Variants in PRKG1 observed in about 807,000 individuals in gnomAD.
PRKG1 encodes protein kinase cGMP-dependent 1.
In PRKG1, 35 loss-of-function variants were observed where a neutral mutation model predicts 88.1. The observed-to-expected ratio is 0.40, with a 90% CI of 0.30 to 0.53. PRKG1 has a LOEUF of 0.53. Among genes scored for constraint, PRKG1 ranks in the 20% least tolerant of loss-of-function variants. PRKG1 has a pLI of 0.59. For missense variants in PRKG1, 540 were observed against 839.8 expected, an observed-to-expected ratio of 0.64 and a Z score of 4.41; for synonymous variants, 303 against 292.5, an observed-to-expected ratio of 1.04 and a Z score of -0.37.
intron 7 of PRKG1, among the ~76,000 whole-genome samples, chr10:52,075,601 A>G (rs985494407): frequency 1.3e-5 from 2 of 152,222 alleles, no homozygotes; most frequent in African/African-American, 4.8e-5. Flanking sequence ...CCACACATAT[A>G]TTGCCATTTT....
intron 3 of PRKG1, among the ~76,000 whole-genome samples, chr10:51,773,500 T>G (rs1242529500): frequency 2.6e-5 from 4 of 152,032 alleles, no homozygotes; most frequent in Non-Finnish European, 5.9e-5. Context: ...AAATTTTCTG[T>G]GTACCAGGCT....
chr10:51,975,565 C>A (rs1187313568), intron 5 of PRKG1, among the ~76,000 whole-genome samples: 1 of 151,954 alleles, frequency 6.6e-6, no homozygotes, highest in African/African-American at 2.4e-5. Flanking sequence ...GCACTTCTGC[C>A]ATACATAGCT....
chr10:52,131,815 T>C (rs1274887641), intron 7 of PRKG1, among the ~76,000 whole-genome samples: 1 of 5,050 alleles, frequency 2.0e-4, no homozygotes, highest in Non-Finnish European at 7.7e-4. Flanking sequence ...CGAAACTCCA[T>C]CAAAAAAAAA....
At chr10:52,167,698 A>C (rs141550583) in intron 9 of PRKG1, among the ~76,000 whole-genome samples, 297 of 151,982 alleles carry the variant, frequency 2.0e-3, no homozygotes, top group Non-Finnish European at 3.8e-3. Context: ...TTTTCAAACT[A>C]CTTTGTGTCG....
intron 1 of PRKG1, among the ~76,000 whole-genome samples, chr10:51,077,356 A>G (rs1843983876): frequency 6.6e-6 from 1 of 152,198 alleles, no homozygotes; most frequent in Non-Finnish European, 1.5e-5. Context: ...TTAAAATGAA[A>G]CTATCTAAAT....
At chr10:52,026,892 G>A (rs1251394539) in intron 5 of PRKG1, among the ~76,000 whole-genome samples, 2 of 152,080 alleles carry the variant, frequency 1.3e-5, no homozygotes, top group South Asian at 2.1e-4. Flanking sequence ...GGAGAATGGC[G>A]TGAACCCGGG....
chr10:51,979,410 G>GTTTTTTTTTTTTTTTTTTTT lies in PRKG1; in HGVS notation c.762+71845_762+71864dup, dbSNP rs61150252. 2.0e-3 allele frequency among the ~76,000 whole-genome samples: 94 copies of GTTTTTTTTTTTTTTTTTTTT among 47,062 alleles called. 17 individuals are homozygous for GTTTTTTTTTTTTTTTTTTTT. Among genetic ancestry groups the GTTTTTTTTTTTTTTTTTTTT allele is most frequent in the South Asian group, 2.9e-3 (2 of 684 alleles). The allele number at this position is 47,062 out of a possible 152,430, so 30.9% of individuals were successfully genotyped here. ...CAATATTCATCATGGATATTGGTCT[G>GTTTTTTTTTTTTTTTTTTTT]TTTTTTTTTTTTTTTTTTTTTTTTC... On this transcript the variant is annotated intron_variant, in intron 5 of 17. Coordinates refer to ENST00000373980, the MANE Select transcript of PRKG1 (RefSeq NM_006258.4).
intron 2 of PRKG1, among the ~76,000 whole-genome samples, chr10:51,303,052 C>A (rs1329779050): frequency 6.6e-6 from 1 of 152,104 alleles, no homozygotes; most frequent in Non-Finnish European, 1.5e-5. Context: ...GATGCTGTTT[C>A]AACCGGGTTA....
At chr10:51,081,224 A>C (rs1844102470) in intron 1 of PRKG1, among the ~76,000 whole-genome samples, 1 of 152,160 alleles carries the variant, frequency 6.6e-6, no homozygotes, top group Non-Finnish European at 1.5e-5. Flanking sequence ...AAAGCTGGAG[A>C]GTAGAGTGAG....
At chr10:51,231,088 G>C (rs1838832202) in intron 2 of PRKG1, among the ~76,000 whole-genome samples, 2 of 152,106 alleles carry the variant, frequency 1.3e-5, no homozygotes, top group Non-Finnish European at 1.5e-5. Context: ...AGTGAAAAGG[G>C]AGGGAGAAGC....
chr10:52,020,005 T>C (rs1744365511), intron 5 of PRKG1, among the ~76,000 whole-genome samples: 1 of 152,070 alleles, frequency 6.6e-6, no homozygotes, highest in Non-Finnish European at 1.5e-5. Flanking sequence ...ATAATCTTAA[T>C]ATATTGTATT....
In PRKG1 at chr10:52,282,305, C is replaced by A. The variant is rs1299460586; in HGVS notation, c.1698C>A (p.Leu566=). The A allele has an allele frequency of 6.3e-7, 1 of 1,598,034 alleles. No individual in the cohort carries two copies. The highest frequency in any genetic ancestry group is 1.3e-5 in the African/African-American group (1 of 74,222). The change falls in exon 14 of 18, where the codon CTC becomes CTA. Residue 566 remains leucine (L), a synonymous_variant. Coordinates refer to ENST00000373980, the MANE Select transcript of PRKG1 (RefSeq NM_006258.4). ...CACTGGGAATCCTAATGTATGAACT[C>A]CTGACTGGCAGGTATGGATATTGAT... ...YWSLGILMYE[L]LTGSPPFSGP...
At chr10:51,178,025 CATT>C (rs1016368266) in intron 2 of PRKG1, among the ~76,000 whole-genome samples, 13 of 152,140 alleles carry the variant, frequency 8.5e-5, no homozygotes, top group African/African-American at 2.9e-4. Flanking sequence ...CTTGTATCAT[CATT>C]GAGATATAGT....
chr10:52,296,518 T>C lies in PRKG1; in HGVS notation c.*2618T>C, dbSNP rs761409998. On this transcript the variant is annotated 3_prime_UTR_variant, in exon 18 of 18. Transcript: ENST00000373980. ...CTTAATGAAGACTCTAGGGCTAAAA[T>C]TCATGGTCAGTTCCATAAAATGCAT... The C allele has an allele frequency of 6.6e-5, 10 of 152,128 alleles. No homozygotes were observed. The highest frequency in any genetic ancestry group is 1.5e-4 in the Non-Finnish European group (10 of 67,958). The allele number at this position is 152,128 out of a possible 1,614,324, so 9.4% of individuals were successfully genotyped here.
At chr10:51,438,185 G>C (rs1299585997) in intron 2 of PRKG1, among the ~76,000 whole-genome samples, 1 of 139,518 alleles carries the variant, frequency 7.2e-6, no homozygotes, top group African/African-American at 2.9e-5. Context: ...CTTTTGGAAT[G>C]GTTTTAGACT....
intron 1 of PRKG1, among the ~76,000 whole-genome samples, chr10:51,057,973 C>G (rs1372731116): frequency 6.6e-6 from 1 of 152,078 alleles, no homozygotes; most frequent in Non-Finnish European, 1.5e-5. Flanking sequence ...AATTTATACT[C>G]CCACTAATAG....
chr10:51,307,673 GT>G (rs2132482936), intron 2 of PRKG1, among the ~76,000 whole-genome samples: 1 of 152,204 alleles, frequency 6.6e-6, no homozygotes, highest in East Asian at 1.9e-4. Flanking sequence ...AATATTCTAT[GT>G]ACTTTATGAC....
At chr10:51,065,722 C>T (rs551881681) in intron 1 of PRKG1, among the ~76,000 whole-genome samples, 8 of 152,074 alleles carry the variant, frequency 5.3e-5, no homozygotes, top group South Asian at 2.1e-4. Flanking sequence ...ATTTATTCAA[C>T]GCAATTAGCC....
intron 5 of PRKG1, among the ~76,000 whole-genome samples, chr10:51,919,834 G>A (rs1305344783): frequency 6.6e-6 from 1 of 152,122 alleles, no homozygotes; most frequent in Non-Finnish European, 1.5e-5. Context: ...CCTAAGCACA[G>A]GGTATGTCTT....
Sources: allele counts gnomAD v4.1 joint callset (sites outside exome capture counted in the v4.1 genomes callset), GRCh38; gene constraint gnomAD v4.1.1; transcripts MANE v1.5; gene names NCBI Gene and HGNC (gene_info 2026-07-23, HGNC 2026-07-21).